SLC44A2: variants seen among roughly 807,000 people sequenced by gnomAD.
SLC44A2 encodes the protein choline transporter-like protein 2.
A neutral mutation model predicts 90.8 loss-of-function variants in SLC44A2; 57 were observed. The ratio of observed to expected loss-of-function variants is 0.63; its 90% CI spans 0.51 to 0.78. The LOEUF (loss-of-function observed/expected upper bound fraction) is 0.78. Ranked by LOEUF, SLC44A2 falls within the 30% of genes least tolerant of loss-of-function variation. SLC44A2 has a pLI of 0.00. For missense variants in SLC44A2, 794 were observed against 919.7 expected, an observed-to-expected ratio of 0.86 and a Z score of 1.77; for synonymous variants, 355 against 360.7, an observed-to-expected ratio of 0.98 and a Z score of 0.18.
Position 10,631,646 on chromosome 19 carries a change from G to A in SLC44A2, c.523G>A (p.Ala175Thr), listed in dbSNP as rs760046078. 7.4e-6 allele frequency: 12 copies of A among 1,613,474 alleles called. No individual in the cohort carries two copies. The highest frequency in any genetic ancestry group is 5.5e-5 in the South Asian group (5 of 91,088). Reference protein sequence around the residue: ...SKPLARRCFPAIHAYKGVLMV... With the variant: ...SKPLARRCFPTIHAYKGVLMV... ...TGCAGTGGCCCGGAGATGCTTCCCC[G>A]CTATCCACGCCTACAAGGGTGTCCT... Residue 175 changes from alanine (A) to threonine (T), a missense_variant, in exon 8 of 22, where the codon GCT (alanine) becomes ACT (threonine). By Grantham distance (58) the Ala-to-Thr change is moderately conservative (BLOSUM62 0). Coordinates refer to ENST00000335757, the MANE Select transcript of SLC44A2 (RefSeq NM_020428.4).
intron 20 of SLC44A2, among the ~76,000 whole-genome samples, chr19:10,640,184 G>A (rs930956642): frequency 6.7e-6 from 1 of 148,548 alleles, no homozygotes; most frequent in Non-Finnish European, 1.5e-5. Context: ...TCCACCTCCC[G>A]GGTTCAAGCG....
In SLC44A2 at chr19:10,631,689, C is replaced by T. The variant is rs1298396510; in HGVS notation, c.566C>T (p.Thr189Met). 6 of 1,613,256 alleles carry T rather than the reference C, an allele frequency of 3.7e-6. No homozygotes were observed. The highest frequency in any genetic ancestry group is 2.2e-5 in the South Asian group (2 of 91,090). Residue 189 changes from threonine to methionine, a missense_variant, in exon 8 of 22, where the codon ACG (threonine) becomes ATG (methionine). Thr to Met is a moderately conservative substitution (Grantham distance 81). Coordinates refer to ENST00000335757, the MANE Select transcript of SLC44A2 (RefSeq NM_020428.4). ...YKGVLMVGNE[T>M]TYEDGHGSRK... Reference sequence around the variant, plus strand: ...GGTGTCCTGATGGTGGGCAATGAGACGACCTATGAGGATGGGCATGGCTCC... The same window carrying T: ...GGTGTCCTGATGGTGGGCAATGAGATGACCTATGAGGATGGGCATGGCTCC...
chr19:10,602,540 G>C, exon 1 of SLC44A2: 1 of 1,280,828 alleles, frequency 7.8e-7, no homozygotes, highest in Non-Finnish European at 9.9e-7. Flanking sequence ...CATGGAGGAC[G>C]AGCGGAAAAA....
At chr19:10,609,875 G>A (rs1382056842) in intron 1 of SLC44A2, among the ~76,000 whole-genome samples, 4 of 151,384 alleles carry the variant, frequency 2.6e-5, no homozygotes, top group Non-Finnish European at 5.9e-5. Flanking sequence ...GCACAATCTC[G>A]GCTGACTGCA....
rs1025215369 is a variant in SLC44A2, at chr19:10,635,440, C to T, written c.1158C>T (p.Ser386=). ...CTTAACGAACCTCCAGCTTCCTGTC[C>T]ACTTCCAACGAAGCGGTCTATAAGA... ...AYWASTAVFL[S]TSNEAVYKIF... The change falls in exon 14 of 22, where the codon TCC becomes TCT. Residue 386 remains serine (S), a synonymous_variant. Coordinates refer to ENST00000335757, the MANE Select transcript of SLC44A2 (RefSeq NM_020428.4). 1 of 1,614,022 alleles carries T rather than the reference C, an allele frequency of 6.2e-7. No individual in the cohort carries two copies. Among genetic ancestry groups the T allele is most frequent in the Non-Finnish European group, 8.5e-7 (1 of 1,180,036 alleles).
At chr19:10,615,038 CG>C (rs2066844752) in intron 1 of SLC44A2, among the ~76,000 whole-genome samples, 1 of 143,378 alleles carries the variant, frequency 7.0e-6, no homozygotes, top group African/African-American at 2.6e-5. Context: ...AAAGTAATTG[CG>C]TTTTTTTTTT....
rs137906911 is a variant in SLC44A2, at chr19:10,618,231, G to A, written c.32-8022G>A. On this transcript the variant is annotated intron_variant, in intron 1 of 21. Coordinates refer to the SLC44A2 transcript ENST00000407327. Reference sequence around the variant, plus strand: ...GCTCTGTTGCCCAGGCTGGAGTGCAGTGTCGTAGTCTCGGTTTACTTCAAG... The same window carrying A: ...GCTCTGTTGCCCAGGCTGGAGTGCAATGTCGTAGTCTCGGTTTACTTCAAG... Among the ~76,000 whole-genome samples, 1,016 of 147,220 alleles carry A rather than the reference G, an allele frequency of 6.9e-3. 19 individuals are homozygous for A. The highest frequency in any genetic ancestry group is 0.024 in the African/African-American group (930 of 39,466).
Position 10,614,754 on chromosome 19 carries a change from C to T in SLC44A2, c.32-11499C>T, listed in dbSNP as rs575127354. ...GGGAGGCTGAGGCGGGCGGATCACC[C>T]GAGGTCAGGAGTTTGAGACCAACCT... On this transcript the variant is annotated intron_variant, in intron 1 of 21. Transcript: ENST00000407327. Among the ~76,000 whole-genome samples the T allele has an allele frequency of 5.3e-5, 8 of 151,148 alleles. No homozygotes were observed. In the South Asian group the frequency reaches 8.4e-4, roughly 16 times the overall value.
intron 1 of SLC44A2, 32 bp downstream of exon 1, chr19:10,625,702 C>A (rs2066925753): frequency 8.0e-7 from 1 of 1,245,466 alleles, no homozygotes; most frequent in African/African-American, 1.5e-5. Context: ...TAGCCCCGGG[C>A]CGACCCCTCG....
chr19:10,635,088 T>C lies in SLC44A2; in HGVS notation c.1055+15T>C, dbSNP rs2163832. The C allele has an allele frequency of 0.69, 1,112,811 of 1,613,794 alleles. 387,179 individuals carry two copies. Among genetic ancestry groups the C allele is most frequent in the African/African-American group, 0.91 (68,095 of 75,018 alleles). ...GAAGCCAGCAGGTGGGGGGCCAGGG[T>C]GCCAGGGGCCAGGATGGAGCTGTCC... On this transcript the variant is annotated intron_variant, in intron 12 of 21. Coordinates refer to ENST00000335757, the MANE Select transcript of SLC44A2 (RefSeq NM_020428.4).
upstream of SLC44A2, among the ~76,000 whole-genome samples, chr19:10,623,669 T>C (rs2066907647): frequency 6.6e-6 from 1 of 151,676 alleles, no homozygotes; most frequent in Non-Finnish European, 1.5e-5. Context: ...AGTGAGATCC[T>C]GTCTCTATTT....
In SLC44A2 at chr19:10,638,333, G is replaced by A. The variant is rs779968632; in HGVS notation, c.1929+18G>A. 2 of 1,609,174 alleles carry A rather than the reference G, an allele frequency of 1.2e-6. No homozygotes were observed. Among genetic ancestry groups the A allele is most frequent in the South Asian group, 1.1e-5 (1 of 90,974 alleles). On this transcript the variant is annotated intron_variant, in intron 20 of 21. Coordinates refer to ENST00000335757, the MANE Select transcript of SLC44A2 (RefSeq NM_020428.4). ...CTATACTGGTATGGACCTCTGGGGAGAGATGGGGGTTTGGGAAGAAAGAGG... is the reference window on the plus strand; with the variant it reads ...CTATACTGGTATGGACCTCTGGGGAAAGATGGGGGTTTGGGAAGAAAGAGG...
At chr19:10,613,895 C>A (rs2144814426) in intron 1 of SLC44A2, among the ~76,000 whole-genome samples, 1 of 152,138 alleles carries the variant, frequency 6.6e-6, no homozygotes, top group East Asian at 1.9e-4. Flanking sequence ...TCGATTGTAG[C>A]CCAGTGAGAT....
At chr19:10,616,676 C>T (rs561624254) in intron 1 of SLC44A2, among the ~76,000 whole-genome samples, 1 of 151,996 alleles carries the variant, frequency 6.6e-6, no homozygotes, top group African/African-American at 2.4e-5. Context: ...ACCAGCCTGG[C>T]CAATATGGTG....
rs181020729 is a variant in SLC44A2 at position 10,634,389 on chromosome 19, G to A, written c.824-367G>A. 9.3e-5 allele frequency among the ~76,000 whole-genome samples: 14 copies of A among 151,310 alleles called. 1 individual carries two copies. In the East Asian group the frequency reaches 1.4e-3, roughly 15 times the overall value. Reference sequence around the variant, plus strand: ...TGAGGCAGGAGAATCGCTTGAACCCGTGAAGTGGAGGTTGCGGTGAGCCGA... The same window carrying A: ...TGAGGCAGGAGAATCGCTTGAACCCATGAAGTGGAGGTTGCGGTGAGCCGA... On this transcript the variant is annotated intron_variant, in intron 10 of 21. Transcript: ENST00000335757.
intron 10 of SLC44A2, 102 bp downstream of exon 10, chr19:10,632,258 C>G (rs532335745): frequency 7.4e-6 from 8 of 1,076,660 alleles, no homozygotes; most frequent in Non-Finnish European, 1.1e-5. Flanking sequence ...AAAGTCAGGC[C>G]GGGCGTGGTG....
chr19:10,640,083 A>ATT (rs2067098956), intron 20 of SLC44A2, among the ~76,000 whole-genome samples: 2 of 121,432 alleles, frequency 1.6e-5, no homozygotes, highest in African/African-American at 6.9e-5. Flanking sequence ...AGGTCCACTG[A>ATT]CTTTTTTTTT....
upstream of SLC44A2, among the ~76,000 whole-genome samples, chr19:10,621,430 T>G (rs963417496): frequency 1.4e-5 from 2 of 142,474 alleles, no homozygotes; most frequent in East Asian, 2.0e-4. Context: ...GTGTTTTTTT[T>G]TTTTTTTTTT....
Position 10,618,098 on chromosome 19 carries a change from G to A in SLC44A2, c.32-8155G>A, listed in dbSNP as rs567508056. Among the ~76,000 whole-genome samples the A allele has an allele frequency of 2.9e-3, 444 of 151,270 alleles. 1 individual carries two copies. Among genetic ancestry groups the A allele is most frequent in the African/African-American group, 0.01 (430 of 41,226 alleles). ...CGGCTCACTGCAACCTCCGCCTCCC[G>A]GGTTCATGCCATTCTCCTGCCTCAA... is the stretch of plus-strand genomic sequence containing the variant. On this transcript the variant is annotated intron_variant, in intron 1 of 21. Transcript: ENST00000407327.
Sources: allele counts gnomAD v4.1 joint callset (sites outside exome capture counted in the v4.1 genomes callset), GRCh38; gene constraint gnomAD v4.1.1; transcripts MANE v1.5; gene names NCBI Gene and HGNC (gene_info 2026-07-23, HGNC 2026-07-21).